The following CNBD2 variants were observed in gnomAD, a reference collection of about 807,000 sequenced individuals.
CNBD2 encodes cyclic nucleotide-binding domain-containing protein 2.
Under a neutral mutation model 63.7 loss-of-function variants are expected in CNBD2, and 64 were observed. The ratio of observed to expected loss-of-function variants is 1.00; its 90% confidence interval spans 0.82 to 1.24. CNBD2 has a LOEUF of 1.24. Ranked by LOEUF, CNBD2 falls within the 50% of genes most tolerant of loss-of-function variation. The pLI, the probability that CNBD2 is intolerant of heterozygous loss-of-function variation, is 0.00. For synonymous variants in CNBD2, 229 were observed against 255.4 expected, an observed-to-expected ratio of 0.90 and a Z score of 0.99; for missense variants, 691 against 713.5, an observed-to-expected ratio of 0.97 and a Z score of 0.36.
At chr20:36,023,453 A>C (rs909155511) in intron 10 of CNBD2, 149 bp from the exon 11 acceptor site, 15 of 607,756 alleles carry the variant, frequency 2.5e-5, no homozygotes, top group Admixed American at 3.5e-5. Flanking sequence ...CAGAGGTTGC[A>C]GTGAGCTGAG....
intron 3 of CNBD2, among the ~76,000 whole-genome samples, chr20:35,977,333 T>C (rs1215050989): frequency 6.6e-6 from 1 of 152,152 alleles, no homozygotes; most frequent in Admixed American, 6.5e-5. Flanking sequence ...TAGCTGGCAT[T>C]ACAGGTGTGC....
chr20:35,977,582 G>A lies in CNBD2; in HGVS notation c.243+1580G>A, dbSNP rs370592531. Among the ~76,000 whole-genome samples, 21 of 152,188 alleles carry A rather than the reference G, an allele frequency of 1.4e-4. 1 individual carries two copies. The highest frequency in any genetic ancestry group is 1.0e-3 in the Admixed American group (16 of 15,282). Reference sequence around the variant, plus strand: ...GATCCCAGAATTTTGGGAGGCTGAGGTGCGAGGATTGCTGGAGCCTGGGAA... The same window carrying A: ...GATCCCAGAATTTTGGGAGGCTGAGATGCGAGGATTGCTGGAGCCTGGGAA... On this transcript the variant is annotated intron_variant, in intron 3 of 11. Transcript: ENST00000373973.
chr20:35,969,479 C>T lies in CNBD2; in HGVS notation c.51+666C>T, dbSNP rs182650818. 3.0e-3 allele frequency among the ~76,000 whole-genome samples: 458 copies of T among 152,140 alleles called. 2 individuals carry two copies. The highest frequency in any genetic ancestry group is 6.8e-3 in the Middle Eastern group (2 of 294). ...ATTTCTCTTTAATAGTAACCACTTT[C>T]CTGAAGTTGGTGTCACCCTTCCTGT... On this transcript the variant is annotated intron_variant, in intron 1 of 11. Transcript: ENST00000373973.
At chr20:35,976,126 A>C in intron 3 of CNBD2, 124 bp downstream of exon 3, 3 of 809,398 alleles carry the variant, frequency 3.7e-6, no homozygotes, top group Non-Finnish European at 6.2e-6. Context: ...TCAGCTTGTC[A>C]CCCTGGGTTG....
intron 3 of CNBD2, among the ~76,000 whole-genome samples, chr20:35,977,219 T>C (rs1206872561): frequency 1.3e-5 from 2 of 152,238 alleles, no homozygotes; most frequent in African/African-American, 4.8e-5. Flanking sequence ...TTCTTTGTTA[T>C]GGGCAAGGCC....
chr20:35,971,836 G>A (rs1269387447), intron 1 of CNBD2, among the ~76,000 whole-genome samples: 3 of 152,048 alleles, frequency 2.0e-5, no homozygotes, highest in Admixed American at 2.0e-4. Flanking sequence ...TTTTCATCAT[G>A]AAATTGACTT....
chr20:35,964,905 GT>G (rs1305320455), upstream of CNBD2, among the ~76,000 whole-genome samples: 1 of 151,976 alleles, frequency 6.6e-6, no homozygotes, highest in Non-Finnish European at 1.5e-5. Flanking sequence ...GTTTCATCAT[GT>G]TGGCCAGGAT....
chr20:35,995,170 G>T lies in CNBD2; in HGVS notation c.970+18G>T. On this transcript the variant is annotated intron_variant, in intron 8 of 11. Transcript: ENST00000373973. ...CCTGAGTGGTAAGCTGCCTTGGCCT[G>T]TCTGACAGCAGGGGGCGCCTGGGCC... The T allele has an allele frequency of 6.4e-7, 1 of 1,551,450 alleles. No homozygotes were observed. Among genetic ancestry groups the T allele is most frequent in the Non-Finnish European group, 8.8e-7 (1 of 1,141,118 alleles).
At chr20:35,981,758 A>G (rs948267336) in intron 4 of CNBD2, among the ~76,000 whole-genome samples, 2 of 152,040 alleles carry the variant, frequency 1.3e-5, no homozygotes, top group Admixed American at 1.3e-4. Flanking sequence ...TCCTACATTG[A>G]TAAAGATTCC....
chr20:36,002,674 G>T (rs2056930499), intron 8 of CNBD2, among the ~76,000 whole-genome samples: 1 of 152,086 alleles, frequency 6.6e-6, no homozygotes, highest in African/African-American at 2.4e-5. Context: ...GGCTGATTTT[G>T]AATTTTTTTA....
chr20:35,963,679 T>C (rs2056324403), upstream of CNBD2, among the ~76,000 whole-genome samples: 1 of 152,052 alleles, frequency 6.6e-6, no homozygotes, highest in Admixed American at 6.6e-5. Flanking sequence ...TCTATTGGGG[T>C]CACTTTGGTA....
intron 8 of CNBD2, among the ~76,000 whole-genome samples, chr20:36,003,331 A>G (rs1283642745): frequency 1.3e-5 from 2 of 152,100 alleles, no homozygotes; most frequent in Non-Finnish European, 2.9e-5. Flanking sequence ...ATGATTTTTT[A>G]ATAGGATGCT....
intron 1 of CNBD2, among the ~76,000 whole-genome samples, chr20:35,972,116 G>A (rs879269699): frequency 3.3e-5 from 5 of 152,292 alleles, no homozygotes; most frequent in East Asian, 3.8e-4. Context: ...CAAGGTGTGA[G>A]CATTCCTTTC....
At position 35,998,874 on chromosome 20, in the gene CNBD2, C is replaced by CAA. The variant is rs74173968; in HGVS notation, c.970+3747_970+3748dup. Among the ~76,000 whole-genome samples the CAA allele has an allele frequency of 6.4e-3, 302 of 47,204 alleles. 4 individuals are homozygous for CAA. The highest frequency in any genetic ancestry group is 0.017 in the African/African-American group (231 of 13,680). 31.0% of individuals were successfully genotyped at this position (47,204 alleles called of 152,430 possible). A position where few individuals can be genotyped will look rare whatever the true frequency, so the allele number is the denominator to read the frequency against. The stretch of plus-strand genomic sequence containing the variant: ...AGCGACAGAGCAAGACTGTGTCTCT[C>CAA]AAAAAAAAAAAAAAAAAAAAAAAAA... On this transcript the variant is annotated intron_variant, in intron 8 of 11. Transcript: ENST00000373973.
intron 1 of CNBD2, 21 bp downstream of exon 1, chr20:35,968,834 T>C (rs202125164): frequency 1.3e-6 from 2 of 1,595,226 alleles, no homozygotes; most frequent in Admixed American, 1.7e-5. Context: ...GCAAGGGCCC[T>C]GGGAGGGAAG....
upstream of CNBD2, chr20:35,954,601 C>T (rs1238879504): frequency 3.6e-6 from 5 of 1,392,336 alleles, no homozygotes; most frequent in African/African-American, 5.8e-5. Flanking sequence ...GCTGCCCTCG[C>T]GGTGCGGGAG....
chr20:36,015,475 C>T (rs182206849), intron 10 of CNBD2, among the ~76,000 whole-genome samples: 1 of 152,216 alleles, frequency 6.6e-6, no homozygotes, highest in East Asian at 1.9e-4. Context: ...ATCATGATTT[C>T]TAATACAGTT....
intron 8 of CNBD2, among the ~76,000 whole-genome samples, chr20:36,002,016 C>A (rs1296036290): frequency 2.6e-5 from 4 of 151,990 alleles, no homozygotes; most frequent in East Asian, 3.9e-4. Context: ...AGAGGCTGCA[C>A]TCTCGGCACT....
chr20:35,959,097 T>C (rs1040525213), downstream of CNBD2: 2 of 152,240 alleles, frequency 1.3e-5, no homozygotes, highest in Non-Finnish European at 2.9e-5. Flanking sequence ...ATGACATGGC[T>C]TTGGGTAATC....
Sources: gnomAD v4.1 joint callset for allele counts (sites outside exome capture counted in the v4.1 genomes callset) on GRCh38, gnomAD v4.1.1 for gene constraint, MANE v1.5 for transcripts, NCBI Gene and HGNC (gene_info 2026-07-23, HGNC 2026-07-21) for gene names.